LRRC3B: variants seen among roughly 807,000 people sequenced by gnomAD.
LRRC3B encodes the protein leucine-rich repeat-containing protein 3B.
Under a neutral mutation model 12.8 loss-of-function variants are expected in LRRC3B, and 2 were observed. The observed-to-expected ratio is 0.16, with a 90% confidence interval of 0.06 to 0.49. The LOEUF is 0.49. Among genes scored for constraint, LRRC3B ranks in the 20% least tolerant of loss-of-function variants. LRRC3B has a pLI of 0.96. For missense variants in LRRC3B, 189 were observed against 319.4 expected, an observed-to-expected ratio of 0.59 and a Z score of 3.11; for synonymous variants, 132 against 122.0, an observed-to-expected ratio of 1.08 and a Z score of -0.54.
chr3:26,625,910 C>T (rs1294238538), intron 1 of LRRC3B, among the ~76,000 whole-genome samples: 1 of 152,138 alleles, frequency 6.6e-6, no homozygotes, highest in Admixed American at 6.5e-5. Context: ...TTGAAGAATT[C>T]AAGTTATTTG....
At chr3:26,651,776 T>A (rs1473466841) in intron 1 of LRRC3B, among the ~76,000 whole-genome samples, 1 of 152,216 alleles carries the variant, frequency 6.6e-6, no homozygotes, top group East Asian at 1.9e-4. Flanking sequence ...TTGAAGTAGA[T>A]GGCAATTGCC....
At chr3:26,691,860 T>C (rs1700200594) in intron 1 of LRRC3B, among the ~76,000 whole-genome samples, 1 of 152,266 alleles carries the variant, frequency 6.6e-6, no homozygotes, top group African/African-American at 2.4e-5. Context: ...ATGTTATTTA[T>C]GTCAGTTCTG....
chr3:26,688,180 T>A (rs1166676720), intron 1 of LRRC3B, among the ~76,000 whole-genome samples: 1 of 152,214 alleles, frequency 6.6e-6, no homozygotes, highest in East Asian at 1.9e-4. Context: ...TAAAAAATAA[T>A]TAAAATACAT....
At chr3:26,624,663 G>T (rs1698583855) in intron 1 of LRRC3B, 1 of 152,620 alleles carries the variant, frequency 6.6e-6, no homozygotes, top group Admixed American at 6.5e-5. Context: ...TGGAGGGCGT[G>T]CAGGGAAACG....
exon 2 of LRRC3B, chr3:26,710,218 C>G: frequency 6.2e-7 from 1 of 1,613,644 alleles, no homozygotes; most frequent in East Asian, 2.2e-5. Flanking sequence ...AACATGCTGG[C>G]AGACCATTCC....
intron 1 of LRRC3B, among the ~76,000 whole-genome samples, chr3:26,700,070 A>C (rs1016336656): frequency 3.3e-5 from 5 of 152,206 alleles, no homozygotes; most frequent in South Asian, 2.1e-4. Flanking sequence ...CAGAAGAGTC[A>C]GTTCTTTCCC....
chr3:26,632,797 A>G (rs1012604006), intron 1 of LRRC3B, among the ~76,000 whole-genome samples: 13 of 152,214 alleles, frequency 8.5e-5, no homozygotes, highest in Non-Finnish European at 1.9e-4. Context: ...TGGCCTCCAC[A>G]GTCCTTTGTC....
intron 1 of LRRC3B, among the ~76,000 whole-genome samples, chr3:26,682,356 G>A (rs1699989807): frequency 6.6e-6 from 1 of 151,976 alleles, no homozygotes; most frequent in African/African-American, 2.4e-5. Context: ...CTTTTTCCTG[G>A]CAAACTCTGA....
intron 1 of LRRC3B, among the ~76,000 whole-genome samples, chr3:26,685,523 C>A (rs867502820): frequency 0.015 from 581 of 38,186 alleles, 7 homozygotes; most frequent in African/African-American, 0.017. Flanking sequence ...CTCTCTCTCT[C>A]TATATATATA....
At chr3:26,667,217 A>G (rs1699624904) in intron 1 of LRRC3B, among the ~76,000 whole-genome samples, 1 of 151,760 alleles carries the variant, frequency 6.6e-6, no homozygotes, top group Non-Finnish European at 1.5e-5. Context: ...CTTCTAAGTG[A>G]ATTTTGAAAA....
At chr3:26,636,364 T>G (rs909980469) in intron 1 of LRRC3B, among the ~76,000 whole-genome samples, 2 of 152,196 alleles carry the variant, frequency 1.3e-5, no homozygotes, top group African/African-American at 4.8e-5. Flanking sequence ...GATGCTTTCT[T>G]GTTGCTCTTA....
intron 1 of LRRC3B, among the ~76,000 whole-genome samples, chr3:26,669,191 C>T (rs1699669289): frequency 6.6e-6 from 1 of 152,062 alleles, no homozygotes; most frequent in African/African-American, 2.4e-5. Context: ...GTGGATGTTC[C>T]AATGTATTCT....
chr3:26,680,266 T>C (rs1356234903), intron 1 of LRRC3B, among the ~76,000 whole-genome samples: 2 of 152,134 alleles, frequency 1.3e-5, no homozygotes, highest in African/African-American at 4.8e-5. Context: ...AAAACACCCA[T>C]TGAGAGGGGA....
intron 1 of LRRC3B, among the ~76,000 whole-genome samples, chr3:26,702,992 G>A (rs1700495469): frequency 1.3e-5 from 2 of 152,216 alleles, no homozygotes; most frequent in South Asian, 2.1e-4. Flanking sequence ...GTTGAGAATG[G>A]AAATGGAGAA....
chr3:26,636,888 T>C (rs1312877504), intron 1 of LRRC3B, among the ~76,000 whole-genome samples: 9 of 70,876 alleles, frequency 1.3e-4, no homozygotes, highest in African/African-American at 4.1e-4. Context: ...CTTCCTTCCT[T>C]TCTCTCTCTC....
At chr3:26,676,581 A>G (rs904050996) in intron 1 of LRRC3B, among the ~76,000 whole-genome samples, 6 of 152,200 alleles carry the variant, frequency 3.9e-5, no homozygotes, top group Non-Finnish European at 8.8e-5. Context: ...TTAAAAAGTC[A>G]GGAAACAACA....
rs1239311675 is a variant in LRRC3B at position 26,668,255 on chromosome 3, AG to A, written c.-160-41257del. On this transcript the variant is annotated intron_variant, in intron 1 of 1. Coordinates refer to ENST00000396641, the Ensembl canonical transcript of LRRC3B. The stretch of plus-strand genomic sequence containing the variant: ...AAATGACTAGACTTTTCCAAGGAGT[AG>A]CAAGCAAGAAAGCTATGAGGGGCCG... Among the ~76,000 whole-genome samples the A allele has an allele frequency of 2.6e-5, 4 of 152,252 alleles. No individual in the cohort carries two copies. The South Asian group carries it at 8.3e-4, about 32-fold the overall frequency.
intron 1 of LRRC3B, among the ~76,000 whole-genome samples, chr3:26,671,354 A>ATG (rs1348625406): frequency 0.046 from 2,395 of 52,448 alleles, 273 homozygotes; most frequent in African/African-American, 0.19. Context: ...ATGTGTGTAT[A>ATG]TATATATATA....
rs1045122150 is a variant in LRRC3B at position 26,675,941 on chromosome 3, C to T, written c.-160-33572C>T. ...ATCTGACATCATCCTTCATTCATTTCATTTTTTTTATAGTTATAAAGCCCC... is the reference window on the plus strand; with the variant it reads ...ATCTGACATCATCCTTCATTCATTTTATTTTTTTTATAGTTATAAAGCCCC... On this transcript the variant is annotated intron_variant, in intron 1 of 1. Transcript: ENST00000396641. 5.4e-5 allele frequency among the ~76,000 whole-genome samples: 8 copies of T among 148,474 alleles called. No homozygotes were observed. The South Asian group carries it at 6.4e-4, about 12-fold the overall frequency.
Sources: allele counts gnomAD v4.1 joint callset (sites outside exome capture counted in the v4.1 genomes callset), GRCh38; gene constraint gnomAD v4.1.1; transcripts MANE v1.5; gene names NCBI Gene and HGNC (gene_info 2026-07-23, HGNC 2026-07-21).